The following MYO18B variants were observed in gnomAD, a reference collection of about 807,000 sequenced individuals.
The protein encoded by MYO18B is unconventional myosin-XVIIIb.
In MYO18B, 204 loss-of-function variants were observed where a neutral mutation model predicts 273.0. The observed-to-expected ratio is 0.75, with a 90% CI of 0.67 to 0.84. The LOEUF (loss-of-function observed/expected upper bound fraction) is 0.84, where lower values mean the gene tolerates loss of function less well. Ranked by LOEUF, MYO18B falls within the 40% of genes least tolerant of loss-of-function variation. MYO18B has a pLI of 0.00. For synonymous variants in MYO18B, 1,330 were observed against 1,305.7 expected, an observed-to-expected ratio of 1.02 and a Z score of -0.40; for missense variants, 3,212 against 3,287.6, an observed-to-expected ratio of 0.98 and a Z score of 0.56.
At chr22:25,750,963 G>A (rs960803265) in intron 1 of MYO18B, among the ~76,000 whole-genome samples, 1 of 152,214 alleles carries the variant, frequency 6.6e-6, no homozygotes, top group African/African-American at 2.4e-5. Flanking sequence ...TAAAGTGGCT[G>A]TGAGCTCAGC....
chr22:25,865,274 C>A (rs1258633771), intron 21 of MYO18B, among the ~76,000 whole-genome samples: 1 of 152,158 alleles, frequency 6.6e-6, no homozygotes, highest in East Asian at 1.9e-4. Context: ...TGAATCCAAG[C>A]TTTGTTGTAT....
chr22:26,057,969 A>C, the MYO18B span, among the ~76,000 whole-genome samples: 2 of 152,168 alleles, frequency 1.3e-5, no homozygotes, highest in Non-Finnish European at 2.9e-5. Context: ...AATCATGGAA[A>C]TCTTTCCTGC....
At chr22:25,863,342 C>G (rs137973514) in intron 21 of MYO18B, among the ~76,000 whole-genome samples, 1 of 152,186 alleles carries the variant, frequency 6.6e-6, no homozygotes, top group African/African-American at 2.4e-5. Flanking sequence ...ATACTTTCTA[C>G]TGTTTCCCCT....
At position 25,883,317 on chromosome 22, in the gene MYO18B, C is replaced by T. The variant is rs935362238; in HGVS notation, c.4314+5269C>T. Reference sequence around the variant, plus strand: ...GTATGGGGGGTAGGGAGCCCTCCAGCCCCTAGGCAATCCTGATTCAGAGGG... The same window carrying T: ...GTATGGGGGGTAGGGAGCCCTCCAGTCCCTAGGCAATCCTGATTCAGAGGG... On this transcript the variant is annotated intron_variant, in intron 25 of 43. Transcript: ENST00000335473. The surrounding 1 kb of genome is among the most constrained non-coding windows in gnomAD (Gnocchi z 7.6). 6.6e-6 allele frequency: 1 copy of T among 152,280 alleles called. No individual in the cohort carries two copies. Among genetic ancestry groups the T allele is most frequent in the African/African-American group, 2.4e-5 (1 of 41,448 alleles). 9.4% of individuals were successfully genotyped at this position (152,280 alleles called of 1,614,324 possible). A position where few individuals can be genotyped will look rare whatever the true frequency, so the allele number is the denominator to read the frequency against.
rs546907868 is a variant in MYO18B at position 25,987,759 on chromosome 22, G to A, written c.6157-4604G>A. Among the ~76,000 whole-genome samples, 13 of 152,012 alleles carry A rather than the reference G, an allele frequency of 8.6e-5. 1 individual carries two copies. The highest frequency in any genetic ancestry group is 7.7e-4 in the East Asian group (4 of 5,174). On this transcript the variant is annotated intron_variant, in intron 39 of 43. Transcript: ENST00000335473. The stretch of plus-strand genomic sequence containing the variant: ...CAACAAATGTTTATTAAATGTATGC[G>A]TGTATGCATGAATGAATAATATATG...
At chr22:26,012,276 A>G (rs1003525510) in intron 42 of MYO18B, among the ~76,000 whole-genome samples, 2 of 152,222 alleles carry the variant, frequency 1.3e-5, no homozygotes, top group Non-Finnish European at 2.9e-5. Context: ...TAGCTTTAAA[A>G]AACAGCTCGT....
chr22:26,017,580 T>C (rs1422763978), intron 42 of MYO18B, among the ~76,000 whole-genome samples: 1 of 152,216 alleles, frequency 6.6e-6, no homozygotes, highest in Non-Finnish European at 1.5e-5. Flanking sequence ...TACCCAATTA[T>C]CCTAAAACTG....
chr22:25,814,376 A>G (rs1331777370), intron 12 of MYO18B, among the ~76,000 whole-genome samples: 2 of 126,748 alleles, frequency 1.6e-5, no homozygotes, highest in Non-Finnish European at 3.1e-5. Context: ...CTGAAGTGCA[A>G]TGGCACGATC....
the MYO18B span, among the ~76,000 whole-genome samples, chr22:26,042,390 TC>T: frequency 2.0e-5 from 3 of 152,126 alleles, no homozygotes; most frequent in African/African-American, 7.2e-5. Flanking sequence ...TCTAGACCCA[TC>T]CCCCGGCCTG....
intron 11 of MYO18B, among the ~76,000 whole-genome samples, chr22:25,793,743 A>G (rs1052638064): frequency 3.9e-5 from 6 of 152,146 alleles, no homozygotes; most frequent in African/African-American, 1.4e-4. Context: ...TTTGGATTTT[A>G]TTTTCTTTTA....
At chr22:26,028,102 A>G (rs117354193) in intron 43 of MYO18B, among the ~76,000 whole-genome samples, 17,332 of 151,878 alleles carry the variant, frequency 0.11, 1,239 homozygotes, top group African/African-American at 0.2. Context: ...AAAATTAGCC[A>G]GGTGTCTTGA....
At chr22:26,015,150 G>A (rs34940781) in intron 42 of MYO18B, among the ~76,000 whole-genome samples, 29,162 of 152,094 alleles carry the variant, frequency 0.19, 3,401 homozygotes, top group Middle Eastern at 0.28. Flanking sequence ...GTCCAGAATG[G>A]TATTGCCTAG....
intron 20 of MYO18B, among the ~76,000 whole-genome samples, chr22:25,847,916 TTTTC>T (rs2090304230): frequency 6.7e-6 from 1 of 150,006 alleles, no homozygotes; most frequent in Non-Finnish European, 1.5e-5. Context: ...CTGTTTTTTT[TTTTC>T]TTTATTTCTT....
At chr22:25,947,941 A>C (rs1438486863) in intron 36 of MYO18B, 113 bp downstream of exon 36, 11 of 733,694 alleles carry the variant, frequency 1.5e-5, no homozygotes, top group Non-Finnish European at 2.4e-5. Flanking sequence ...TCTTGGAGGG[A>C]TAAGTGCACA....
rs532325271 is a variant in MYO18B, at chr22:26,002,902, C to A, written c.6288-363C>A. ...TTTGCTAGCACTCACAAAGAACATA[C>A]AGCTAATACCTTGCTTGTTAGCAAT... is the stretch of plus-strand genomic sequence containing the variant. On this transcript the variant is annotated intron_variant, in intron 40 of 43. Coordinates refer to ENST00000335473, the MANE Select transcript of MYO18B (RefSeq NM_032608.7). Among the ~76,000 whole-genome samples, 3 of 152,278 alleles carry A rather than the reference C, an allele frequency of 2.0e-5. No homozygotes were observed. The East Asian group carries it at 5.8e-4, about 29-fold the overall frequency.
chr22:25,867,000 C>A (rs973224821), intron 21 of MYO18B, among the ~76,000 whole-genome samples: 3 of 151,992 alleles, frequency 2.0e-5, no homozygotes, highest in Admixed American at 1.3e-4. Flanking sequence ...TTACTAGGCA[C>A]GCAGTACTGT....
intron 42 of MYO18B, among the ~76,000 whole-genome samples, chr22:26,017,947 A>G (rs1475716505): frequency 7.2e-6 from 1 of 138,548 alleles, no homozygotes; most frequent in Non-Finnish European, 1.5e-5. Flanking sequence ...ATCACCACCC[A>G]GCTCCAATTT....
the MYO18B span, among the ~76,000 whole-genome samples, chr22:26,043,758 C>T: frequency 6.6e-6 from 1 of 152,050 alleles, no homozygotes; most frequent in Non-Finnish European, 1.5e-5. Flanking sequence ...TCGTGATCCA[C>T]CTGCCTCGTT....
intron 39 of MYO18B, among the ~76,000 whole-genome samples, chr22:25,980,525 A>G (rs2093138264): frequency 6.6e-6 from 1 of 152,116 alleles, no homozygotes; most frequent in Non-Finnish European, 1.5e-5. Context: ...CCTTTAATAT[A>G]CAAGTGTTTT....
Sources: allele counts gnomAD v4.1 joint callset (sites outside exome capture counted in the v4.1 genomes callset), GRCh38; gene constraint gnomAD v4.1.1; non-coding constraint Gnocchi (gnomAD v3.1); transcripts MANE v1.5; gene names NCBI Gene and HGNC (gene_info 2026-07-23, HGNC 2026-07-21).